The following PGLYRP4 variants were observed in gnomAD, a reference collection of about 807,000 sequenced individuals.
PGLYRP4 encodes PGRP-I-beta.
PGLYRP4 carries 39 observed loss-of-function variants against 41.2 expected under a neutral mutation model. That is an observed-to-expected ratio of 0.95 (90% CI 0.73 to 1.24). The LOEUF is 1.24. PGLYRP4 is among the 50% of genes most tolerant of loss of function. The pLI, the probability that PGLYRP4 is intolerant of heterozygous loss-of-function variation, is 0.00. For synonymous variants in PGLYRP4, 202 were observed against 186.8 expected, an observed-to-expected ratio of 1.08 and a Z score of -0.66; for missense variants, 467 against 460.7, an observed-to-expected ratio of 1.01 and a Z score of -0.13.
chr1:153,348,000 G>T (rs376772224), intron 1 of PGLYRP4, 22 bp from the exon 2 acceptor site: 11 of 1,285,700 alleles, frequency 8.6e-6, no homozygotes, highest in Non-Finnish European at 1.2e-5. Flanking sequence ...GCTGACAGTT[G>T]TTAACATGAC....
chr1:153,331,462 C>A (rs1400927735), intron 8 of PGLYRP4, among the ~76,000 whole-genome samples: 1 of 152,194 alleles, frequency 6.6e-6, no homozygotes, highest in Non-Finnish European at 1.5e-5. Context: ...ATGCTCAGCC[C>A]AGTATCAAGT....
At position 153,348,792 on chromosome 1, in the gene PGLYRP4, G is replaced by A. The variant is rs1171290218; in HGVS notation, c.-311C>T. The A allele has an allele frequency of 6.6e-6, 1 of 152,422 alleles. No homozygotes were observed. Among genetic ancestry groups the A allele is most frequent in the Non-Finnish European group, 1.5e-5 (1 of 68,190 alleles). The allele number at this position is 152,422 out of a possible 1,614,324, so 9.4% of individuals were successfully genotyped here. ...AAAGATGGGGAGAAGGGAAGACAGA[G>A]GGCAAGGCTCTGAGCCAGCTCCTTT... On this transcript the variant is annotated 5_prime_UTR_variant, in exon 1 of 9. Coordinates refer to ENST00000359650, the MANE Select transcript of PGLYRP4 (RefSeq NM_020393.4).
chr1:153,337,313 A>C lies in PGLYRP4; in HGVS notation c.825-14T>G. On this transcript the variant is annotated splice_polypyrimidine_tract_variant and intron_variant, in intron 7 of 8. Transcript: ENST00000359650. ...CCCACCAGGAAGCTAGAGGACCACA[A>C]GGGGAGATGGAGACCAGCATGAAAT... is the stretch of plus-strand genomic sequence containing the variant. 1 of 1,483,802 alleles carries C rather than the reference A, an allele frequency of 6.7e-7. No individual in the cohort carries two copies. Among genetic ancestry groups the C allele is most frequent in the South Asian group, 1.2e-5 (1 of 85,778 alleles). 91.9% of individuals were successfully genotyped at this position (1,483,802 alleles called of 1,614,324 possible).
chr1:153,348,425 A>G (rs1292807140), intron 1 of PGLYRP4, 103 bp downstream of exon 1: 1 of 157,646 alleles, frequency 6.3e-6, no homozygotes, highest in African/African-American at 2.4e-5. Flanking sequence ...AGGGGTTCCT[A>G]GTTCTAGGGC....
intron 4 of PGLYRP4, among the ~76,000 whole-genome samples, chr1:153,344,318 G>A (rs1216693226): frequency 6.6e-6 from 1 of 152,176 alleles, no homozygotes; most frequent in Non-Finnish European, 1.5e-5. Flanking sequence ...AAGGAAGAAA[G>A]CCAGCAAAGT....
intron 8 of PGLYRP4, among the ~76,000 whole-genome samples, chr1:153,334,174 C>T (rs981719268): frequency 2.3e-4 from 35 of 152,022 alleles, no homozygotes; most frequent in Middle Eastern, 3.4e-3. Flanking sequence ...TCAAAAGACT[C>T]CTATATTTAA....
At position 153,330,884 on chromosome 1, in the gene PGLYRP4, G is replaced by A. The variant is rs775963593; in HGVS notation, c.1005C>T (p.Val335=). 1.2e-6 allele frequency: 2 copies of A among 1,614,028 alleles called. No individual in the cohort carries two copies. The highest frequency in any genetic ancestry group is 4.5e-5 in the East Asian group (2 of 44,866). ...AAQDLIQCAM[V]KGYLTPNYLL... ...GGTAGTTGGGAGTCAGGTACCCTTT[G>A]ACCATGGCACACTGGATCAGGTCTT... Residue 335 remains valine (V), a synonymous_variant, in exon 9 of 9, where the codon GTC becomes GTT. Transcript: ENST00000359650.
At chr1:153,333,259 T>A (rs1210767482) in intron 8 of PGLYRP4, among the ~76,000 whole-genome samples, 1 of 151,906 alleles carries the variant, frequency 6.6e-6, no homozygotes, top group African/African-American at 2.4e-5. Flanking sequence ...ACCACAGAAA[T>A]AACAAAAGAT....
At chr1:153,331,395 G>A (rs891911863) in intron 8 of PGLYRP4, among the ~76,000 whole-genome samples, 4 of 152,160 alleles carry the variant, frequency 2.6e-5, no homozygotes, top group Non-Finnish European at 4.4e-5. Context: ...TTGTACTGAG[G>A]TTGAGAAACT....
intron 8 of PGLYRP4, among the ~76,000 whole-genome samples, chr1:153,334,301 G>A (rs1660451800): frequency 6.6e-6 from 1 of 151,004 alleles, no homozygotes; most frequent in Non-Finnish European, 1.5e-5. Flanking sequence ...ATATACAATA[G>A]CTACATATAG....
chr1:153,343,889 A>T (rs1660899326), intron 4 of PGLYRP4, among the ~76,000 whole-genome samples: 3 of 152,224 alleles, frequency 2.0e-5, no homozygotes, highest in Admixed American at 1.3e-4. Flanking sequence ...AAGTCCCTTG[A>T]GTAACTGCCA....
chr1:153,337,084 A>G, intron 8 of PGLYRP4, 97 bp downstream of exon 8: 1 of 930,880 alleles, frequency 1.1e-6, no homozygotes, highest in Non-Finnish European at 1.8e-6. Flanking sequence ...ATATGCAGGC[A>G]CTAAAATGAC....
intron 7 of PGLYRP4, among the ~76,000 whole-genome samples, chr1:153,339,242 A>G (rs1660695918): frequency 6.6e-6 from 1 of 152,228 alleles, no homozygotes; most frequent in African/African-American, 2.4e-5. Flanking sequence ...ATTTTCAGGT[A>G]TCCACTCTTA....
Position 153,345,356 on chromosome 1 carries a change from C to T in PGLYRP4, c.166G>A (p.Val56Ile), listed in dbSNP as rs765987642. 6 of 1,614,172 alleles carry T rather than the reference C, an allele frequency of 3.7e-6. No homozygotes were observed. In the South Asian group the frequency reaches 4.4e-5, roughly 12 times the overall value. Residue 56 changes from valine (V) to isoleucine (I), a missense_variant, in exon 4 of 9, where the codon GTC becomes ATC. By Grantham distance (29) the Val-to-Ile change is conservative. Coordinates refer to ENST00000359650, the MANE Select transcript of PGLYRP4 (RefSeq NM_020393.4). ...TCTGCCCCCCATGCCTTGCGAGAGA[C>T]CGTGGTGGAGACATCTGTGGGAAGG... Reference protein sequence around the residue: ...KGLPTDVSTTVSRKAWGAEAV... With the variant: ...KGLPTDVSTTISRKAWGAEAV...
chr1:153,330,275 A>G lies in PGLYRP4; in HGVS notation c.*492T>C, dbSNP rs1449804479. On this transcript the variant is annotated 3_prime_UTR_variant, in exon 9 of 9. Transcript: ENST00000359650. Reference sequence around the variant, plus strand: ...TCACAACCAAGTAGCAAGGATAGACATATCTATAAATAATGACAGCCATTA... The same window carrying G: ...TCACAACCAAGTAGCAAGGATAGACGTATCTATAAATAATGACAGCCATTA... 6.5e-6 allele frequency: 1 copy of G among 153,566 alleles called. No individual in the cohort carries two copies. The highest frequency in any genetic ancestry group is 1.5e-5 in the Non-Finnish European group (1 of 68,848). The allele number at this position is 153,566 out of a possible 1,614,324, so 9.5% of individuals were successfully genotyped here. A position where few individuals can be genotyped will look rare whatever the true frequency, so the allele number is the denominator to read the frequency against.
rs1660996336 is a variant in PGLYRP4 at position 153,346,084 on chromosome 1, T to C, written c.139+18A>G. 6.3e-7 allele frequency: 1 copy of C among 1,583,174 alleles called. No individual in the cohort carries two copies. Among genetic ancestry groups the C allele is most frequent in the Non-Finnish European group, 8.7e-7 (1 of 1,151,836 alleles). Reference sequence around the variant, plus strand: ...CCAGCTCGTCCCAAAACCCCCTTACTATCCAGATCCAGTTTACCTTTTTCA... The same window carrying C: ...CCAGCTCGTCCCAAAACCCCCTTACCATCCAGATCCAGTTTACCTTTTTCA... On this transcript the variant is annotated intron_variant, in intron 3 of 8. Transcript: ENST00000359650.
intron 1 of PGLYRP4, among the ~76,000 whole-genome samples, 154 bp from the exon 2 acceptor site, chr1:153,348,132 C>G (rs975770807): frequency 2.0e-5 from 3 of 152,218 alleles, no homozygotes; most frequent in African/African-American, 7.2e-5. Flanking sequence ...CCCCAGCATA[C>G]AGCAGGTGCT....
In PGLYRP4 at chr1:153,340,288, C is replaced by T. The variant is rs1474490114; in HGVS notation, c.824+93G>A. 2.5e-5 allele frequency: 28 copies of T among 1,104,744 alleles called. 1 individual carries two copies. Among genetic ancestry groups the T allele is most frequent in the Middle Eastern group, 4.1e-4 (2 of 4,934 alleles). The allele number at this position is 1,104,744 out of a possible 1,614,324, so 68.4% of individuals were successfully genotyped here. ...TACAGTGCCTCTCCTATGGTGACTA[C>T]CCAGTAAATATTAGTTCCCTTTCCC... On this transcript the variant is annotated intron_variant, in intron 7 of 8. Coordinates refer to ENST00000359650, the MANE Select transcript of PGLYRP4 (RefSeq NM_020393.4).
chr1:153,346,576 A>G (rs1035817977), intron 2 of PGLYRP4, among the ~76,000 whole-genome samples: 2 of 152,110 alleles, frequency 1.3e-5, no homozygotes, highest in African/African-American at 2.4e-5. Flanking sequence ...TGTGTGAAGA[A>G]GGGGTTAGAA....
Sources: allele counts gnomAD v4.1 joint callset (sites outside exome capture counted in the v4.1 genomes callset), GRCh38; gene constraint gnomAD v4.1.1; transcripts MANE v1.5; gene names NCBI Gene and HGNC (gene_info 2026-07-23, HGNC 2026-07-21).